TASOR: variants seen among roughly 807,000 people sequenced by gnomAD.
TASOR encodes transcription activation suppressor.
Under a neutral mutation model 178.6 loss-of-function variants are expected in TASOR, and 53 were observed. The ratio of observed to expected loss-of-function variants is 0.30; its 90% confidence interval spans 0.24 to 0.37. The LOEUF (loss-of-function observed/expected upper bound fraction) is 0.37, where lower values mean the gene tolerates loss of function less well. TASOR is among the 10% of genes least tolerant of loss of function. The pLI, the probability that TASOR is intolerant of heterozygous loss-of-function variation, is 1.00. For missense variants in TASOR, 1,815 were observed against 1,971.4 expected (o/e 0.92, Z 1.50); for synonymous variants, 713 against 696.2 (o/e 1.02, Z -0.38).
At chr3:56,631,325 G>A (rs956597553) in intron 18 of TASOR, among the ~76,000 whole-genome samples, 1 of 152,084 alleles carries the variant, frequency 6.6e-6, no homozygotes, top group Non-Finnish European at 1.5e-5. Flanking sequence ...TAAAGCCCAT[G>A]GTCCCTCTGC....
intron 18 of TASOR, among the ~76,000 whole-genome samples, chr3:56,632,099 A>G (rs1243195275): frequency 6.6e-6 from 1 of 152,184 alleles, no homozygotes; most frequent in Non-Finnish European, 1.5e-5. Flanking sequence ...TTGTTTTTCT[A>G]TATGATTGAT....
At position 56,648,977 on chromosome 3, in the gene TASOR, C is replaced by A. The variant is rs1288176052; in HGVS notation, c.1441+8G>T. ...ATTGTAAAAATTTATTAAAGAGAGA[C>A]CACCTACCATATGGAGGAACCATCT... On this transcript the variant is annotated splice_region_variant and intron_variant, in intron 12 of 23. Transcript: ENST00000683822. 56 of 1,605,030 alleles carry A rather than the reference C, an allele frequency of 3.5e-5. No individual in the cohort carries two copies. Among genetic ancestry groups the A allele is most frequent in the Non-Finnish European group, 4.2e-5 (49 of 1,176,800 alleles).
intron 11 of TASOR, among the ~76,000 whole-genome samples, chr3:56,658,367 G>A (rs965703344): frequency 3.3e-5 from 5 of 152,112 alleles, no homozygotes; most frequent in African/African-American, 1.2e-4. Context: ...ATCAGTAACC[G>A]AAAGATATTG....
At chr3:56,635,565 T>A (rs2076999826) in intron 17 of TASOR, among the ~76,000 whole-genome samples, 1 of 152,234 alleles carries the variant, frequency 6.6e-6, no homozygotes, top group South Asian at 2.1e-4. Context: ...ATGTCAAATA[T>A]CTGATATATT....
In TASOR at chr3:56,623,000, A is replaced by G; in HGVS notation, c.*37T>C. Reference sequence around the variant, plus strand: ...TGAAATATAAATTGTTAATAAACAAAGTCCACAACAATCTCTTAAAAAAAA... The same window carrying G: ...TGAAATATAAATTGTTAATAAACAAGGTCCACAACAATCTCTTAAAAAAAA... On this transcript the variant is annotated 3_prime_UTR_variant, in exon 24 of 24. Transcript: ENST00000683822. 1 of 1,292,750 alleles carries G rather than the reference A, an allele frequency of 7.7e-7. No individual in the cohort carries two copies. Among genetic ancestry groups the G allele is most frequent in the Non-Finnish European group, 1.0e-6 (1 of 954,856 alleles). The allele number at this position is 1,292,750 out of a possible 1,614,324, so 80.1% of individuals were successfully genotyped here.
rs945777398 is a variant in TASOR at position 56,673,667 on chromosome 3, G to C, written c.390C>G (p.Leu130=). The change falls in exon 2 of 24, where the codon CTC becomes CTG. Residue 130 remains leucine, a synonymous_variant. Transcript: ENST00000683822. The part of the protein sequence containing the change: ...SREFEDVVNI[L]HSSYLEPTSV... ...AGGTTGGTTCAAGGTAAGAAGAATGGAGAATATTTACAACATCTTCAAATT... is the reference window on the plus strand; with the variant it reads ...AGGTTGGTTCAAGGTAAGAAGAATGCAGAATATTTACAACATCTTCAAATT... 5 of 1,551,006 alleles carry C rather than the reference G, an allele frequency of 3.2e-6. No individual in the cohort carries two copies. The South Asian group carries it at 3.6e-5, about 11-fold the overall frequency.
At position 56,670,940 on chromosome 3, in the gene TASOR, CAAA is replaced by C. The variant is rs11300845; in HGVS notation, c.570+657_570+659del. 2.4e-4 allele frequency among the ~76,000 whole-genome samples: 13 copies of C among 54,176 alleles called. No homozygotes were observed. The East Asian group carries it at 3.0e-3, about 13-fold the overall frequency. The allele number at this position is 54,176 out of a possible 152,430, so 35.5% of individuals were successfully genotyped here. On this transcript the variant is annotated intron_variant, in intron 3 of 23. Coordinates refer to ENST00000683822, the MANE Select transcript of TASOR (RefSeq NM_001365635.2). ...TGAGCAACAGAGTGAGACTCCATCTCAAAAAAAAAAAAAAAAAAAAAAGGAAAA... is the reference window on the plus strand; with the variant it reads ...TGAGCAACAGAGTGAGACTCCATCTCAAAAAAAAAAAAAAAAAAAGGAAAA...
At chr3:56,637,053 T>C (rs769272353) in intron 17 of TASOR, among the ~76,000 whole-genome samples, 6 of 152,134 alleles carry the variant, frequency 3.9e-5, no homozygotes, top group Non-Finnish European at 8.8e-5. Context: ...CCTGACACGA[T>C]ATTGCATGAA....
At chr3:56,678,796 A>G (rs2031545845) in intron 1 of TASOR, among the ~76,000 whole-genome samples, 1 of 151,992 alleles carries the variant, frequency 6.6e-6, no homozygotes, top group South Asian at 2.1e-4. Flanking sequence ...GGATCACTTC[A>G]GGTCAGGAGT....
At chr3:56,642,138 T>TA (rs1201598627) in intron 14 of TASOR, among the ~76,000 whole-genome samples, 1 of 152,174 alleles carries the variant, frequency 6.6e-6, no homozygotes, top group Non-Finnish European at 1.5e-5. Context: ...ACTAGGCTAC[T>TA]AAAAAAATGA....
intron 1 of TASOR, among the ~76,000 whole-genome samples, chr3:56,674,979 C>T (rs1239761212): frequency 9.2e-5 from 14 of 152,008 alleles, no homozygotes; most frequent in Non-Finnish European, 4.4e-5. Flanking sequence ...CCACCACACC[C>T]GGCTAATTTT....
intron 11 of TASOR, among the ~76,000 whole-genome samples, chr3:56,653,079 A>G (rs937123301): frequency 2.0e-5 from 3 of 152,018 alleles, no homozygotes; most frequent in Non-Finnish European, 2.9e-5. Context: ...ACTGGCCAAC[A>G]TGGCGAAACC....
chr3:56,627,331 TAAAAA>T (rs1282488284), intron 20 of TASOR, among the ~76,000 whole-genome samples, 186 bp from the exon 21 acceptor site: 3 of 152,084 alleles, frequency 2.0e-5, no homozygotes, highest in Non-Finnish European at 4.4e-5. Flanking sequence ...CATCTACACA[TAAAAA>T]AGAACATGTT....
Position 56,624,999 on chromosome 3 carries a change from C to A in TASOR, c.4147G>T (p.Ala1383Ser). The change falls in exon 22 of 24, where the codon GCT becomes TCT. Residue 1383 changes from alanine to serine, a missense_variant. Transcript: ENST00000683822. ...AGCGTCAACAGACTTAGAGCTTTAGCATTCAATCTGTGAAATTAAGCAGTT... is the reference window on the plus strand; with the variant it reads ...AGCGTCAACAGACTTAGAGCTTTAGAATTCAATCTGTGAAATTAAGCAGTT... ...KKLKELGRLNAKALSLLTLLN... is the reference protein window; with the variant it reads ...KKLKELGRLNSKALSLLTLLN... 6.2e-7 allele frequency: 1 copy of A among 1,613,422 alleles called. No homozygotes were observed. Among genetic ancestry groups the A allele is most frequent in the South Asian group, 1.1e-5 (1 of 90,954 alleles).
chr3:56,630,329 A>T (rs1039806849), intron 18 of TASOR, among the ~76,000 whole-genome samples: 1 of 152,158 alleles, frequency 6.6e-6, no homozygotes, highest in Non-Finnish European at 1.5e-5. Context: ...GAAATATATA[A>T]AGTTTACATT....
Position 56,623,006 on chromosome 3 carries a change from C to T in TASOR, c.*31G>A, listed in dbSNP as rs2076720588. 7.2e-7 allele frequency: 1 copy of T among 1,387,060 alleles called. No homozygotes were observed. Among genetic ancestry groups the T allele is most frequent in the Non-Finnish European group, 9.7e-7 (1 of 1,031,332 alleles). 85.9% of individuals were successfully genotyped at this position (1,387,060 alleles called of 1,614,324 possible). A position where few individuals can be genotyped will look rare whatever the true frequency, so the allele number is the denominator to read the frequency against. On this transcript the variant is annotated 3_prime_UTR_variant, in exon 24 of 24. Coordinates refer to ENST00000683822, the MANE Select transcript of TASOR (RefSeq NM_001365635.2). ...ATAAATTGTTAATAAACAAAGTCCA[C>T]AACAATCTCTTAAAAAAAAAGTTAC...
intron 13 of TASOR, among the ~76,000 whole-genome samples, chr3:56,648,162 C>T (rs369789407): frequency 4.6e-5 from 7 of 151,600 alleles, no homozygotes; most frequent in East Asian, 3.9e-4. Context: ...ATGTAGTGAG[C>T]CATGATCGCA....
chr3:56,637,543 T>C (rs1483510206), intron 17 of TASOR, among the ~76,000 whole-genome samples: 1 of 151,476 alleles, frequency 6.6e-6, no homozygotes, highest in African/African-American at 2.4e-5. Context: ...AAAAAAGATT[T>C]GTGAACTTTC....
chr3:56,672,925 A>G (rs376145106), intron 2 of TASOR, among the ~76,000 whole-genome samples: 24 of 152,272 alleles, frequency 1.6e-4, no homozygotes, highest in African/African-American at 5.8e-4. Context: ...GGTTCAAGCA[A>G]TTCTCCTGCC....
Sources: allele counts gnomAD v4.1 joint callset (sites outside exome capture counted in the v4.1 genomes callset), GRCh38; gene constraint gnomAD v4.1.1; transcripts MANE v1.5; gene names NCBI Gene and HGNC (gene_info 2026-07-23, HGNC 2026-07-21).